Variants in ABCA8 observed in about 807,000 individuals in gnomAD.
The protein encoded by ABCA8 is ABC-type organic anion transporter ABCA8.
In ABCA8, 177 loss-of-function variants were observed where a neutral mutation model predicts 192.3. That is an observed-to-expected ratio of 0.92 (90% CI 0.81 to 1.04). The LOEUF is 1.04. ABCA8 is among the 50% of genes least tolerant of loss of function. ABCA8 has a pLI of 0.00. For missense variants in ABCA8, 1,915 were observed against 1,904.8 expected (o/e 1.01, Z -0.10); for synonymous variants, 642 against 690.2 (o/e 0.93, Z 1.09).
intron 1 of ABCA8, among the ~76,000 whole-genome samples, chr17:68,954,200 CA>C: frequency 8.8e-6 from 1 of 113,448 alleles, no homozygotes; most frequent in South Asian, 3.2e-4. Flanking sequence ...CCCCACCCCA[CA>C]ACAGTCCCCA....
chr17:68,899,804 G>GA (rs1159345448), intron 21 of ABCA8, among the ~76,000 whole-genome samples: 3 of 151,932 alleles, frequency 2.0e-5, no homozygotes, highest in African/African-American at 7.2e-5. Flanking sequence ...CAAAAACTTA[G>GA]AAAATCACAA....
At chr17:68,888,511 T>C (rs1363160680) in intron 24 of ABCA8, among the ~76,000 whole-genome samples, 3 of 152,116 alleles carry the variant, frequency 2.0e-5, no homozygotes, top group Non-Finnish European at 2.9e-5. Context: ...ATGCAGGTAG[T>C]TGAATTGGTA....
At chr17:68,929,806 A>G (rs1205156074) in intron 7 of ABCA8, 104 bp from the exon 8 acceptor site, 1 of 1,051,454 alleles carries the variant, frequency 9.5e-7, no homozygotes, top group Non-Finnish European at 1.3e-6. Context: ...TCATCCATTC[A>G]TTCTCTCTTT....
chr17:68,918,383 A>C, intron 15 of ABCA8, 44 bp downstream of exon 15: 1 of 1,539,428 alleles, frequency 6.5e-7, no homozygotes, highest in Non-Finnish European at 8.7e-7. Context: ...CAAAAGTTCC[A>C]TTTTTTAAAC....
Position 68,933,213 on chromosome 17 carries a change from T to A in ABCA8, c.525A>T (p.Glu175Asp). 6.2e-7 allele frequency: 1 copy of A among 1,613,424 alleles called. No individual in the cohort carries two copies. Among genetic ancestry groups the A allele is most frequent in the Non-Finnish European group, 8.5e-7 (1 of 1,179,656 alleles). The change falls in exon 6 of 40, where the codon GAA becomes GAT. Residue 175 changes from glutamate (E) to aspartate (D), a missense_variant. By Grantham distance (45) the Glu-to-Asp change is conservative. Coordinates refer to ENST00000586539, the MANE Select transcript of ABCA8 (RefSeq NM_001288985.2). ...VYCEVSVFWKEGFVALQAAIN... is the reference protein window; with the variant it reads ...VYCEVSVFWKDGFVALQAAIN... ...TGGCAGCTTGAAGAGCCACAAAACC[T>A]TCCTTCCAAAATACTGAAACTTCAC...
chr17:68,871,508 T>C (rs552790926), intron 37 of ABCA8, among the ~76,000 whole-genome samples: 2 of 152,210 alleles, frequency 1.3e-5, no homozygotes, highest in Non-Finnish European at 2.9e-5. Flanking sequence ...TAATGACATT[T>C]AACAGTTTTT....
intron 30 of ABCA8, among the ~76,000 whole-genome samples, chr17:68,882,268 C>A (rs2066354394): frequency 6.6e-6 from 1 of 152,194 alleles, no homozygotes; most frequent in Non-Finnish European, 1.5e-5. Context: ...TAGAGAAGCA[C>A]TGATTATCCT....
chr17:68,953,911 A>C (rs2143840168), intron 1 of ABCA8, among the ~76,000 whole-genome samples: 1 of 152,274 alleles, frequency 6.6e-6, no homozygotes, highest in East Asian at 1.9e-4. Context: ...CTCTGTAAGC[A>C]ATTTTAGGTA....
chr17:68,877,788 C>G, intron 32 of ABCA8, 109 bp from the exon 33 acceptor site: 2 of 1,204,948 alleles, frequency 1.7e-6, no homozygotes, highest in East Asian at 5.0e-5. Flanking sequence ...AACTCTAAAC[C>G]TCATTGGGTT....
chr17:68,915,207 C>T (rs957646185), intron 17 of ABCA8, among the ~76,000 whole-genome samples: 3 of 152,004 alleles, frequency 2.0e-5, no homozygotes, highest in Non-Finnish European at 4.4e-5. Flanking sequence ...GGGGAAACTT[C>T]CCAGGGTATT....
At chr17:68,880,500 T>G (rs1319174087) in intron 32 of ABCA8, among the ~76,000 whole-genome samples, 1 of 152,150 alleles carries the variant, frequency 6.6e-6, no homozygotes, top group Non-Finnish European at 1.5e-5. Flanking sequence ...AGAGAAGAGC[T>G]GCAGCCCTTC....
rs2066208787 is a variant in ABCA8, at chr17:68,876,477, C to T, written c.4353G>A (p.Glu1451=). ...TTCCTCACCACATTTGCTGCTGCCCCTCGGGGTCCATCCCGGTCGACGGCT... is the reference window on the plus strand; with the variant it reads ...TTCCTCACCACATTTGCTGCTGCCCTTCGGGGTCCATCCCGGTCGACGGCT... The part of the protein sequence containing the change: ...LDEPSTGMDP[E]GQQQMWQAIR... The change falls in exon 35 of 40, where the codon GAG becomes GAA. Residue 1451 remains glutamate (E), a synonymous_variant. Transcript: ENST00000586539. The T allele has an allele frequency of 1.2e-6, 2 of 1,614,016 alleles. No homozygotes were observed. The highest frequency in any genetic ancestry group is 1.7e-6 in the Non-Finnish European group (2 of 1,179,906).
intron 22 of ABCA8, 90 bp downstream of exon 22, chr17:68,894,790 C>A: frequency 7.1e-7 from 1 of 1,400,774 alleles, no homozygotes; most frequent in Non-Finnish European, 9.6e-7. Flanking sequence ...ATTTGCTTTT[C>A]ATTTTTATTT....
At chr17:68,954,197 C>T (rs2068650539) in intron 1 of ABCA8, among the ~76,000 whole-genome samples, 1 of 118,278 alleles carries the variant, frequency 8.5e-6, no homozygotes, top group East Asian at 2.8e-4. Flanking sequence ...TCCCCCCACC[C>T]CACAACAGTC....
In ABCA8 at chr17:68,940,936, T is replaced by C; in HGVS notation, c.123A>G (p.Leu41=). 1 of 1,610,150 alleles carries C rather than the reference T, an allele frequency of 6.2e-7. No homozygotes were observed. The highest frequency in any genetic ancestry group is 8.5e-7 in the Non-Finnish European group (1 of 1,176,800). ...LMEWLNSLLL[L]LCLYIYPHSH... ...TATGAGGATATATATACAAACAAAG[T>C]AGTAGGAGCAATGAATTCAGCCATT... The change falls in exon 4 of 40, where the codon CTA becomes CTG. Residue 41 remains leucine, a synonymous_variant. Coordinates refer to ENST00000586539, the MANE Select transcript of ABCA8 (RefSeq NM_001288985.2).
intron 26 of ABCA8, among the ~76,000 whole-genome samples, chr17:68,886,080 A>T (rs1305656330): frequency 1.3e-5 from 2 of 152,190 alleles, no homozygotes; most frequent in African/African-American, 4.8e-5. Context: ...TGATAGGTAC[A>T]CTGGAAGCCC....
At chr17:68,953,281 A>G (rs1290766474) in intron 1 of ABCA8, among the ~76,000 whole-genome samples, 1 of 152,238 alleles carries the variant, frequency 6.6e-6, no homozygotes, top group Non-Finnish European at 1.5e-5. Flanking sequence ...CATTTGGCTC[A>G]TAAGTCCTGA....
Position 68,927,941 on chromosome 17 carries a change from C to G in ABCA8, c.1248G>C (p.Ala416=). 2.5e-6 allele frequency: 4 copies of G among 1,601,374 alleles called. No individual in the cohort carries two copies. The highest frequency in any genetic ancestry group is 3.4e-6 in the Non-Finnish European group (4 of 1,175,982). Residue 416 remains alanine (A), a synonymous_variant, in exon 10 of 40, where the codon GCG becomes GCC. Transcript: ENST00000586539. ...TTGGCAAAATTTTTTCAAAGTAAAT[C>G]GCCAATGCCAGATAGAGGCAAGTGT... is the stretch of plus-strand genomic sequence containing the variant. ...AFDTCLYLAL[A]IYFEKILPNE...
Position 68,924,877 on chromosome 17 carries a change from G to C in ABCA8, c.1274-8C>G. 6.2e-7 allele frequency: 1 copy of C among 1,612,398 alleles called. No homozygotes were observed. Among genetic ancestry groups the C allele is most frequent in the Non-Finnish European group, 8.5e-7 (1 of 1,179,440 alleles). On this transcript the variant is annotated splice_polypyrimidine_tract_variant and splice_region_variant and intron_variant, in intron 10 of 39. Transcript: ENST00000586539. ...GTCGATGTCCATATTCATCTACATG[G>C]CCAGAAGACAATTAAATATTGGGTC...
Sources: gnomAD v4.1 joint callset for allele counts (sites outside exome capture counted in the v4.1 genomes callset) on GRCh38, gnomAD v4.1.1 for gene constraint, MANE v1.5 for transcripts, NCBI Gene and HGNC (gene_info 2026-07-23, HGNC 2026-07-21) for gene names.